TRAF7: variants seen among roughly 807,000 people sequenced by gnomAD.
TRAF7 encodes the protein TNF receptor associated factor 7.
A neutral mutation model predicts 89.3 loss-of-function variants in TRAF7; 45 were observed. The observed-to-expected ratio is 0.50, with a 90% CI of 0.40 to 0.65. The LOEUF is 0.65. TRAF7 is among the 30% of genes least tolerant of loss of function. The probability of loss-of-function intolerance (pLI) is 0.00; values close to 1 mark genes in which losing one functional copy is unlikely to be tolerated. For synonymous variants in TRAF7, 406 were observed against 369.2 expected, an observed-to-expected ratio of 1.10 and a Z score of -1.14; for missense variants, 677 against 918.1, an observed-to-expected ratio of 0.74 and a Z score of 3.39.
intron 3 of TRAF7, among the ~76,000 whole-genome samples, chr16:2,167,470 G>T (rs1012619479): frequency 6.6e-6 from 1 of 152,222 alleles, no homozygotes; most frequent in African/African-American, 2.4e-5. Flanking sequence ...GGTGACGTGT[G>T]GGCAGGAGGA....
chr16:2,164,344 G>C (rs571205024), intron 2 of TRAF7, among the ~76,000 whole-genome samples: 31 of 148,518 alleles, frequency 2.1e-4, no homozygotes, highest in African/African-American at 7.2e-4. Flanking sequence ...GTGCTGCGTG[G>C]CGCGGCCTGG....
chr16:2,158,770 G>T lies in TRAF7; in HGVS notation c.-39+2912G>T, dbSNP rs79965129. Among the ~76,000 whole-genome samples the T allele has an allele frequency of 3.7e-4, 47 of 125,828 alleles. No individual in the cohort carries two copies. The highest frequency in any genetic ancestry group is 9.7e-4 in the African/African-American group (32 of 33,124). 82.5% of individuals were successfully genotyped at this position (125,828 alleles called of 152,430 possible). A position where few individuals can be genotyped will look rare whatever the true frequency, so the allele number is the denominator to read the frequency against. ...GGGACTGGGAAGCGTGGGCTCGGCG[G>T]GGGGGGGGGGGACACTGCCACCCTT... On this transcript the variant is annotated intron_variant, in intron 1 of 20. Coordinates refer to ENST00000326181, the MANE Select transcript of TRAF7 (RefSeq NM_032271.3). The surrounding 1 kb of genome is among the most constrained non-coding windows in gnomAD (Gnocchi z 4.7).
chr16:2,174,846 A>T (rs1236711174), intron 14 of TRAF7, among the ~76,000 whole-genome samples: 1 of 152,184 alleles, frequency 6.6e-6, no homozygotes, highest in Non-Finnish European at 1.5e-5. Context: ...CGGCCCTGGG[A>T]CTGACTCAGG....
chr16:2,157,336 C>A (rs912584143), intron 1 of TRAF7, among the ~76,000 whole-genome samples: 5 of 151,882 alleles, frequency 3.3e-5, no homozygotes, highest in East Asian at 3.9e-4. Flanking sequence ...TGGGAGTCAG[C>A]ACCCCAACCT....
chr16:2,164,024 G>C (rs367554641), intron 2 of TRAF7, 23 bp downstream of exon 2: 507 of 1,594,264 alleles, frequency 3.2e-4, no homozygotes, highest in Admixed American at 1.5e-3. Context: ...CCCTCTGCAA[G>C]CCCAACATCC....
intron 12 of TRAF7, 23 bp downstream of exon 12, chr16:2,173,859 T>TGGGG: frequency 1.0e-5 from 13 of 1,246,062 alleles, no homozygotes; most frequent in Non-Finnish European, 1.4e-5. Context: ...CCGCCGTGGC[T>TGGGG]CCCGCCCACC....
intron 1 of TRAF7, among the ~76,000 whole-genome samples, chr16:2,157,352 C>T (rs2093039486): frequency 6.6e-6 from 1 of 151,970 alleles, no homozygotes; most frequent in Non-Finnish European, 1.5e-5. Flanking sequence ...AACCTGACGC[C>T]CCAACCTGAG....
chr16:2,173,857 G>GCGGGGGGCGCCCCCCC, intron 12 of TRAF7, 21 bp downstream of exon 12: 1 of 1,607,488 alleles, frequency 6.2e-7, no homozygotes, highest in Non-Finnish European at 8.5e-7. Context: ...ACCCGCCGTG[G>GCGGGGGGCGCCCCCCC]CTCCCGCCCA....
At chr16:2,167,915 A>G (rs1399341154) in intron 3 of TRAF7, among the ~76,000 whole-genome samples, 162 bp from the exon 4 acceptor site, 1 of 151,830 alleles carries the variant, frequency 6.6e-6, no homozygotes, top group Non-Finnish European at 1.5e-5. Context: ...AGGGAACCCA[A>G]GCTTCCCCCG....
intron 2 of TRAF7, 109 bp from the exon 3 acceptor site, chr16:2,165,770 T>G: frequency 7.9e-7 from 1 of 1,261,936 alleles, no homozygotes; most frequent in Non-Finnish European, 1.1e-6. Context: ...AGTGTGTGAG[T>G]GCTGCGTGGC....
chr16:2,160,972 G>C (rs757908883), intron 1 of TRAF7, among the ~76,000 whole-genome samples: 10 of 152,084 alleles, frequency 6.6e-5, no homozygotes, highest in Non-Finnish European at 1.0e-4. Flanking sequence ...GCAAAACCCA[G>C]TCCCTGGGGA....
Position 2,163,431 on chromosome 16 carries a change from A to G in TRAF7, c.-38-452A>G, listed in dbSNP as rs544527037. On this transcript the variant is annotated intron_variant, in intron 1 of 20. Transcript: ENST00000326181. This position sits in a 1 kb window ranked among gnomAD's most constrained non-coding sequence, Gnocchi z 4.3. ...GACCGCACCTGTCGTGGCAGGAAAC[A>G]CATTCGTCGTGCCTTGGCTGGTCCC... is the stretch of plus-strand genomic sequence containing the variant. 139 of 178,254 alleles carry G rather than the reference A, an allele frequency of 7.8e-4. No individual in the cohort carries two copies. The highest frequency in any genetic ancestry group is 3.0e-3 in the African/African-American group (127 of 41,732). 11.0% of individuals were successfully genotyped at this position (178,254 alleles called of 1,614,324 possible).
intron 3 of TRAF7, among the ~76,000 whole-genome samples, chr16:2,167,313 C>T (rs924935192): frequency 1.3e-5 from 2 of 152,030 alleles, no homozygotes; most frequent in Non-Finnish European, 2.9e-5. Context: ...CCCAGTCACA[C>T]GGCAGCCTCT....
intron 5 of TRAF7, among the ~76,000 whole-genome samples, 198 bp downstream of exon 5, chr16:2,170,928 TC>T (rs1326700793): frequency 6.6e-6 from 1 of 152,118 alleles, no homozygotes; most frequent in Non-Finnish European, 1.5e-5. Context: ...GTTCCCCCAC[TC>T]CCCCTTCTCA....
chr16:2,164,323 A>T (rs35810), intron 2 of TRAF7, among the ~76,000 whole-genome samples: 7,218 of 55,980 alleles, frequency 0.13, 233 homozygotes, highest in Admixed American at 0.15. Flanking sequence ...GTCGCATGGT[A>T]AAGCGTGTTA....
intron 1 of TRAF7, among the ~76,000 whole-genome samples, chr16:2,157,265 G>A (rs774425040): frequency 2.6e-4 from 40 of 152,086 alleles, no homozygotes; most frequent in South Asian, 8.3e-4. Context: ...TGGAAGCCTC[G>A]GGCCCCGTGT....
chr16:2,164,139 GGTGT>G lies in TRAF7; in HGVS notation c.81+156_81+159del, dbSNP rs376580813. On this transcript the variant is annotated intron_variant, in intron 2 of 20. Transcript: ENST00000326181. Reference sequence around the variant, plus strand: ...AGGGGAGCTCGGTGGGGGGGGGTGTGGTGTGTGTGTGTGTGTGTGTGCGCGCGCG... The same window carrying G: ...AGGGGAGCTCGGTGGGGGGGGGTGTGGTGTGTGTGTGTGTGTGCGCGCGCG... The G allele has an allele frequency of 8.9e-4, 487 of 544,200 alleles. 2 individuals carry two copies. The highest frequency in any genetic ancestry group is 1.6e-3 in the African/African-American group (75 of 46,610). The allele number at this position is 544,200 out of a possible 1,614,324, so 33.7% of individuals were successfully genotyped here.
At chr16:2,175,462 C>G in intron 16 of TRAF7, 38 bp from the exon 17 acceptor site, 1 of 1,612,316 alleles carries the variant, frequency 6.2e-7, no homozygotes. Context: ...TGAGGCGTCC[C>G]TTGCCCGCCC....
At chr16:2,157,505 G>A (rs1027593796) in intron 1 of TRAF7, among the ~76,000 whole-genome samples, 8 of 152,200 alleles carry the variant, frequency 5.3e-5, no homozygotes, top group Non-Finnish European at 1.5e-5. Flanking sequence ...TGGGGCTCCT[G>A]CCCCTCTGTC....
Sources: allele counts gnomAD v4.1 joint callset (sites outside exome capture counted in the v4.1 genomes callset), GRCh38; gene constraint gnomAD v4.1.1; non-coding constraint Gnocchi (gnomAD v3.1); transcripts MANE v1.5; gene names NCBI Gene and HGNC (gene_info 2026-07-23, HGNC 2026-07-21).